Variants in MGMT observed in about 807,000 individuals in gnomAD.
MGMT encodes the protein O-6-methylguanine-DNA methyltransferase.
Under a neutral mutation model 15.9 loss-of-function variants are expected in MGMT, and 14 were observed. The ratio of observed to expected loss-of-function variants is 0.88; its 90% CI spans 0.58 to 1.37. MGMT has a LOEUF of 1.37. Ranked by LOEUF, MGMT falls within the 40% of genes most tolerant of loss-of-function variation. The probability of loss-of-function intolerance (pLI) is 0.00; values close to 1 mark genes in which losing one functional copy is unlikely to be tolerated. For synonymous variants in MGMT, 130 were observed against 118.2 expected, an observed-to-expected ratio of 1.10 and a Z score of -0.65; for missense variants, 282 against 268.1, an observed-to-expected ratio of 1.05 and a Z score of -0.36.
At chr10:129,529,147 C>T (rs2027138) in intron 1 of MGMT, among the ~76,000 whole-genome samples, 96,921 of 149,366 alleles carry the variant, frequency 0.65, 31,664 homozygotes, top group East Asian at 0.96. Context: ...GAAGCGAGAG[C>T]GAGGCTGGAG....
At chr10:129,647,134 A>G (rs12265939) in intron 2 of MGMT, among the ~76,000 whole-genome samples, 74,754 of 151,700 alleles carry the variant, frequency 0.49, 20,038 homozygotes, top group African/African-American at 0.7. Flanking sequence ...CCATTTACTC[A>G]GGGTTTCTGC....
At chr10:129,519,566 A>G (rs1174190992) in intron 1 of MGMT, among the ~76,000 whole-genome samples, 1 of 152,184 alleles carries the variant, frequency 6.6e-6, no homozygotes, top group African/African-American at 2.4e-5. Flanking sequence ...GTCAAGGCCC[A>G]CTTGTCCACA....
At chr10:129,675,783 C>T (rs1479425508) in intron 2 of MGMT, among the ~76,000 whole-genome samples, 3 of 152,156 alleles carry the variant, frequency 2.0e-5, no homozygotes, top group Admixed American at 6.5e-5. Context: ...TAGGTGGTGT[C>T]GCCAAGGGAG....
chr10:129,766,345 C>T (rs963336756), intron 4 of MGMT, among the ~76,000 whole-genome samples: 3 of 152,300 alleles, frequency 2.0e-5, no homozygotes, highest in Non-Finnish European at 2.9e-5. Context: ...TGGAGAGGCC[C>T]GTGCAGGTAC....
intron 1 of MGMT, among the ~76,000 whole-genome samples, chr10:129,484,922 G>A (rs1845393660): frequency 6.6e-6 from 1 of 151,834 alleles, no homozygotes; most frequent in Non-Finnish European, 1.5e-5. Context: ...ATGTATGTGT[G>A]TGTGTATTAT....
chr10:129,486,435 T>C (rs1762423), intron 1 of MGMT, among the ~76,000 whole-genome samples: 113,239 of 151,940 alleles, frequency 0.75, 42,359 homozygotes, highest in Middle Eastern at 0.81. Flanking sequence ...GTGATCCACC[T>C]GCCTCAGCCT....
intron 1 of MGMT, among the ~76,000 whole-genome samples, chr10:129,520,382 C>T (rs1438556308): frequency 6.6e-6 from 1 of 151,968 alleles, no homozygotes; most frequent in Non-Finnish European, 1.5e-5. Flanking sequence ...TGCACGTGTC[C>T]TAAAGCATCT....
chr10:129,473,380 C>T (rs542856194), intron 1 of MGMT, among the ~76,000 whole-genome samples: 1 of 152,194 alleles, frequency 6.6e-6, no homozygotes, highest in Non-Finnish European at 1.5e-5. Context: ...GGGCGTGCTG[C>T]GCTTGTTGCC....
At chr10:129,635,025 G>A (rs1280984935) in intron 2 of MGMT, among the ~76,000 whole-genome samples, 2 of 152,124 alleles carry the variant, frequency 1.3e-5, no homozygotes, top group African/African-American at 4.8e-5. Flanking sequence ...TTTAAGATTC[G>A]TTAGGTAGAA....
intron 2 of MGMT, among the ~76,000 whole-genome samples, chr10:129,568,398 G>T (rs899390023): frequency 2.6e-5 from 4 of 152,198 alleles, no homozygotes; most frequent in Non-Finnish European, 5.9e-5. Context: ...AGGAAGCCCT[G>T]CACGGGGGCA....
At chr10:129,662,224 T>C (rs75322567) in intron 2 of MGMT, among the ~76,000 whole-genome samples, 8,063 of 152,216 alleles carry the variant, frequency 0.053, 348 homozygotes, top group Admixed American at 0.12. Flanking sequence ...GATCATGCCC[T>C]ACTGTATAGG....
In MGMT at chr10:129,659,249, C is replaced by T. The variant is rs1022687731; in HGVS notation, c.126-48646C>T. Among the ~76,000 whole-genome samples the T allele has an allele frequency of 3.3e-5, 5 of 151,690 alleles. No homozygotes were observed. The highest frequency in any genetic ancestry group is 7.3e-5 in the African/African-American group (3 of 41,224). Reference sequence around the variant, plus strand: ...GTGCACACCCGTAGTCTCAGCTACTCGGGAGGCTGAGGCAGGAGAATTGCT... The same window carrying T: ...GTGCACACCCGTAGTCTCAGCTACTTGGGAGGCTGAGGCAGGAGAATTGCT... On this transcript the variant is annotated intron_variant, in intron 2 of 4. Coordinates refer to ENST00000651593, the MANE Select transcript of MGMT (RefSeq NM_002412.5). The surrounding 1 kb of genome is among the most constrained non-coding windows in gnomAD (Gnocchi z 4.1).
At chr10:129,596,697 A>G (rs1365021018) in intron 2 of MGMT, among the ~76,000 whole-genome samples, 1 of 152,216 alleles carries the variant, frequency 6.6e-6, no homozygotes, top group Non-Finnish European at 1.5e-5. Context: ...GCCTCAAGAT[A>G]TGCAGAAATA....
chr10:129,492,223 T>A (rs1589834034), intron 1 of MGMT, among the ~76,000 whole-genome samples: 1 of 152,232 alleles, frequency 6.6e-6, no homozygotes, highest in South Asian at 2.1e-4. Flanking sequence ...TTGAGCATGG[T>A]CTTTTGATTG....
At chr10:129,618,505 T>A (rs1475494580) in intron 2 of MGMT, among the ~76,000 whole-genome samples, 1 of 118,930 alleles carries the variant, frequency 8.4e-6, no homozygotes, top group African/African-American at 2.6e-5. Context: ...TGCATTTCCA[T>A]GTAGAATAAG....
intron 1 of MGMT, 66 bp downstream of exon 1, chr10:129,467,362 C>T: frequency 6.8e-7 from 1 of 1,466,556 alleles, no homozygotes; most frequent in Non-Finnish European, 9.0e-7. Context: ...GTGGCAGCCT[C>T]GAGTGGTCCT....
chr10:129,697,066 G>T (rs1203058970), intron 2 of MGMT, among the ~76,000 whole-genome samples: 1 of 152,162 alleles, frequency 6.6e-6, no homozygotes, highest in Non-Finnish European at 1.5e-5. Flanking sequence ...GCAGCAGTCT[G>T]GGAGCTTGAG....
intron 2 of MGMT, among the ~76,000 whole-genome samples, chr10:129,592,445 T>C (rs1846697754): frequency 6.6e-6 from 1 of 152,240 alleles, no homozygotes; most frequent in Non-Finnish European, 1.5e-5. Flanking sequence ...CATACCTCAG[T>C]GAACCAGTAT....
At chr10:129,600,825 T>G (rs1564864936) in intron 2 of MGMT, among the ~76,000 whole-genome samples, 1 of 152,182 alleles carries the variant, frequency 6.6e-6, no homozygotes, top group Non-Finnish European at 1.5e-5. Flanking sequence ...CTGGCTGCAT[T>G]GTCTGATGGC....
Sources: gnomAD v4.1 joint callset for allele counts (sites outside exome capture counted in the v4.1 genomes callset) on GRCh38, gnomAD v4.1.1 for gene constraint, Gnocchi (gnomAD v3.1) non-coding constraint, MANE v1.5 for transcripts, NCBI Gene and HGNC (gene_info 2026-07-23, HGNC 2026-07-21) for gene names.